The following PRPF6 variants were observed in gnomAD, a reference collection of about 807,000 sequenced individuals.
The protein encoded by PRPF6 is pre-mRNA-processing factor 6.
In PRPF6, 42 loss-of-function variants were observed where a neutral mutation model predicts 118.3. The observed-to-expected ratio is 0.35, with a 90% CI of 0.28 to 0.46. PRPF6 has a LOEUF of 0.46. Among genes scored for constraint, PRPF6 ranks in the 20% least tolerant of loss-of-function variants. PRPF6 has a pLI of 1.00. For synonymous variants in PRPF6, 481 were observed against 485.1 expected, an observed-to-expected ratio of 0.99 and a Z score of 0.11; for missense variants, 662 against 1,255.7, an observed-to-expected ratio of 0.53 and a Z score of 7.15.
intron 11 of PRPF6, among the ~76,000 whole-genome samples, chr20:64,016,362 C>T (rs986872867): frequency 6.6e-6 from 1 of 152,036 alleles, no homozygotes; most frequent in Non-Finnish European, 1.5e-5. Context: ...CTCCTGACCA[C>T]GTGATCCACC....
rs75969529 is a variant in PRPF6, at chr20:63,993,597, G to A, written c.438+112G>A. The A allele has an allele frequency of 2.0e-3, 1,653 of 841,852 alleles. 15 individuals carry two copies. The African/African-American group carries it at 0.024, about 12-fold the overall frequency. 52.1% of individuals were successfully genotyped at this position (841,852 alleles called of 1,614,324 possible). On this transcript the variant is annotated intron_variant, in intron 4 of 20. Coordinates refer to ENST00000266079, the MANE Select transcript of PRPF6 (RefSeq NM_012469.4). Reference sequence around the variant, plus strand: ...TATGAGACTTTACGTTTTTAATTTAGGGGGTCATTGCTTAGAAGAAGAAAG... The same window carrying A: ...TATGAGACTTTACGTTTTTAATTTAAGGGGTCATTGCTTAGAAGAAGAAAG...
At chr20:64,032,248 C>T (rs948901636) in intron 20 of PRPF6, among the ~76,000 whole-genome samples, 1 of 152,230 alleles carries the variant, frequency 6.6e-6, no homozygotes, top group Non-Finnish European at 1.5e-5. Flanking sequence ...CTGGTTATAG[C>T]CTCACAGCTC....
intron 6 of PRPF6, among the ~76,000 whole-genome samples, chr20:63,995,927 G>C (rs2059139394): frequency 1.3e-5 from 2 of 152,034 alleles, no homozygotes; most frequent in African/African-American, 4.8e-5. Flanking sequence ...AAAATGCGGG[G>C]ATTACAGGTG....
intron 6 of PRPF6, among the ~76,000 whole-genome samples, chr20:63,997,658 T>C (rs960761632): frequency 6.6e-6 from 1 of 152,034 alleles, no homozygotes; most frequent in African/African-American, 2.4e-5. Context: ...GGTTTCATCA[T>C]GTTGGCCAGG....
chr20:63,992,727 G>A (rs954967170), intron 3 of PRPF6, among the ~76,000 whole-genome samples: 1 of 151,188 alleles, frequency 6.6e-6, no homozygotes, highest in Non-Finnish European at 1.5e-5. Context: ...GTAGACTTAC[G>A]AATGTATTTA....
At chr20:64,030,060 A>G (rs923291153) in intron 19 of PRPF6, among the ~76,000 whole-genome samples, 2 of 152,238 alleles carry the variant, frequency 1.3e-5, no homozygotes, top group African/African-American at 4.8e-5. Context: ...GCGGGTAGCC[A>G]TGGGGCAGAG....
intron 9 of PRPF6, among the ~76,000 whole-genome samples, chr20:64,008,859 G>A (rs890490087): frequency 2.0e-5 from 3 of 152,148 alleles, no homozygotes; most frequent in African/African-American, 7.2e-5. Flanking sequence ...TGAATACATT[G>A]CAGGTAATAT....
rs141086873 is a variant in PRPF6 at position 63,994,042 on chromosome 20, G to A, written c.438+557G>A. Among the ~76,000 whole-genome samples, 424 of 151,910 alleles carry A rather than the reference G, an allele frequency of 2.8e-3. 3 individuals are homozygous for A. The highest frequency in any genetic ancestry group is 1.0e-2 in the African/African-American group (413 of 41,424). ...TGGGATTACAGGCGTGAGCCACCAC[G>A]TCTGGCCCCATTTATACGTAAGATT... On this transcript the variant is annotated intron_variant, in intron 4 of 20. Transcript: ENST00000266079.
chr20:64,016,157 C>T (rs932757264), intron 11 of PRPF6, among the ~76,000 whole-genome samples: 6 of 151,534 alleles, frequency 4.0e-5, no homozygotes, highest in South Asian at 2.1e-4. Flanking sequence ...AGTCTTGCTC[C>T]GTTGCCCAGG....
intron 9 of PRPF6, among the ~76,000 whole-genome samples, chr20:64,004,541 C>G (rs1179414791): frequency 6.6e-6 from 1 of 152,216 alleles, no homozygotes; most frequent in African/African-American, 2.4e-5. Flanking sequence ...TGCATGGTCT[C>G]TGTGAGCTCT....
Position 64,032,039 on chromosome 20 carries a change from A to T in PRPF6, c.2668A>T (p.Thr890Ser), listed in dbSNP as rs1413778271. The T allele has an allele frequency of 6.2e-7, 1 of 1,614,000 alleles. No individual in the cohort carries two copies. The change falls in exon 20 of 21, where the codon ACT becomes TCT. Residue 890 changes from threonine to serine, a missense_variant. Physicochemically the swap from Thr to Ser is moderately conservative, Grantham distance 58 (BLOSUM62 1). Transcript: ENST00000266079. ...CTACAAGTTTGAGCTGCAGCATGGC[A>T]CTGAGGTGAGGCCCCTCGACAGACC... ...FFYKFELQHG[T>S]EEQQEEVRKR...
chr20:64,027,551 C>T lies in PRPF6; in HGVS notation c.2206-52C>T. ...GATGAGAAGCTGGGCATGGCTGTGT[C>T]CCAGTTCTTCATAGACACCACCTGA... On this transcript the variant is annotated intron_variant, in intron 16 of 20. Coordinates refer to ENST00000266079, the MANE Select transcript of PRPF6 (RefSeq NM_012469.4). This position sits in a 1 kb window ranked among gnomAD's most constrained non-coding sequence, Gnocchi z 6.5. 1.2e-6 allele frequency: 2 copies of T among 1,613,484 alleles called. No individual in the cohort carries two copies. Among genetic ancestry groups the T allele is most frequent in the Non-Finnish European group, 1.7e-6 (2 of 1,179,672 alleles).
In PRPF6 at chr20:64,010,294, G is replaced by A; in HGVS notation, c.1281G>A (p.Val427=). 1 of 1,613,860 alleles carries A rather than the reference G, an allele frequency of 6.2e-7. No individual in the cohort carries two copies. The highest frequency in any genetic ancestry group is 1.1e-5 in the South Asian group (1 of 91,086). Reference sequence around the variant, plus strand: ...CTAGAATCATGCTGAGCCGAGCTGTGGAGTGCTGCCCCACCAGCGTGGAGG... The same window carrying A: ...CTAGAATCATGCTGAGCCGAGCTGTAGAGTGCTGCCCCACCAGCGTGGAGG... ...EDARIMLSRA[V]ECCPTSVELW... The change falls in exon 10 of 21, where the codon GTG becomes GTA. Residue 427 remains valine, a synonymous_variant. Coordinates refer to ENST00000266079, the MANE Select transcript of PRPF6 (RefSeq NM_012469.4).
chr20:63,987,042 C>T (rs923837266), intron 3 of PRPF6, among the ~76,000 whole-genome samples: 1 of 151,484 alleles, frequency 6.6e-6, no homozygotes, highest in Admixed American at 6.6e-5. Flanking sequence ...TCGTGGCACA[C>T]ACCTGTAGTC....
chr20:64,003,385 C>T (rs1004345333), intron 9 of PRPF6, among the ~76,000 whole-genome samples: 5 of 152,148 alleles, frequency 3.3e-5, no homozygotes, highest in African/African-American at 1.2e-4. Flanking sequence ...CTGATAGGAC[C>T]GTGCAGATGA....
chr20:64,016,937 CT>C, intron 12 of PRPF6, 92 bp downstream of exon 12: 1 of 1,489,358 alleles, frequency 6.7e-7, no homozygotes, highest in Admixed American at 1.8e-5. Context: ...TATTTTAAAA[CT>C]CTTTTTTTTT....
intron 9 of PRPF6, among the ~76,000 whole-genome samples, chr20:64,005,510 CCTT>C (rs1173341751): frequency 6.6e-6 from 1 of 152,098 alleles, no homozygotes; most frequent in Non-Finnish European, 1.5e-5. Context: ...TTAGGACTTT[CCTT>C]CTTTACTGCT....
rs558732739 is a variant in PRPF6, at chr20:64,024,885, A to G, written c.1908+192A>G. Among the ~76,000 whole-genome samples the G allele has an allele frequency of 5.8e-4, 88 of 152,256 alleles. 1 individual carries two copies. The highest frequency in any genetic ancestry group is 2.1e-4 in the South Asian group (1 of 4,816). On this transcript the variant is annotated intron_variant, in intron 14 of 20. Coordinates refer to ENST00000266079, the MANE Select transcript of PRPF6 (RefSeq NM_012469.4). ...AGAGCAGGAAAGCAGCCCACCTGGCAGATACTTACCTCTCGGTCCCCCCAC... is the reference window on the plus strand; with the variant it reads ...AGAGCAGGAAAGCAGCCCACCTGGCGGATACTTACCTCTCGGTCCCCCCAC...
rs935303760 is a variant in PRPF6, at chr20:64,010,330, G to A, written c.1305+12G>A. The A allele has an allele frequency of 1.0e-5, 16 of 1,607,338 alleles. No individual in the cohort carries two copies. The highest frequency in any genetic ancestry group is 5.0e-5 in the Admixed American group (3 of 60,014). On this transcript the variant is annotated intron_variant, in intron 10 of 20. Coordinates refer to ENST00000266079, the MANE Select transcript of PRPF6 (RefSeq NM_012469.4). ...CCACCAGCGTGGAGGTGAGTCTGGC[G>A]GGCTCAGGGCCACCAGAGCCCAAAG...
Sources: gnomAD v4.1 joint callset for allele counts (sites outside exome capture counted in the v4.1 genomes callset) on GRCh38, gnomAD v4.1.1 for gene constraint, Gnocchi (gnomAD v3.1) non-coding constraint, MANE v1.5 for transcripts, NCBI Gene and HGNC (gene_info 2026-07-23, HGNC 2026-07-21) for gene names.